The following WNK2 variants were observed in gnomAD, a reference collection of about 807,000 sequenced individuals.
WNK2 encodes the protein serine/threonine-protein kinase WNK2.
In WNK2, 67 loss-of-function variants were observed where a neutral mutation model predicts 192.1. The observed-to-expected ratio is 0.35, with a 90% confidence interval of 0.29 to 0.43. The LOEUF (loss-of-function observed/expected upper bound fraction) is 0.43, where lower values mean the gene tolerates loss of function less well. Ranked by LOEUF, WNK2 falls within the 20% of genes least tolerant of loss-of-function variation. The pLI is 1.00. For synonymous variants in WNK2, 1,439 were observed against 1,393.9 expected, an observed-to-expected ratio of 1.03 and a Z score of -0.72; for missense variants, 2,698 against 3,089.7, an observed-to-expected ratio of 0.87 and a Z score of 3.01.
chr9:93,317,612 C>T lies in WNK2; in HGVS notation c.6609C>T (p.Thr2203=), dbSNP rs1854944550. 1 of 1,612,978 alleles carries T rather than the reference C, an allele frequency of 6.2e-7. No homozygotes were observed. The highest frequency in any genetic ancestry group is 1.3e-5 in the African/African-American group (1 of 74,946). The change falls in exon 29 of 30, where the codon ACC becomes ACT. Residue 2203 remains threonine (T), a synonymous_variant. Coordinates refer to ENST00000427277, the MANE Select transcript of WNK2 (RefSeq NM_006648.4). ...STTVIPGAAP[T]LSVPTPDPES... The stretch of plus-strand genomic sequence containing the variant: ...CGGTCATTCCCGGAGCCGCCCCGAC[C>T]CTGTCCGTGCCCACACCAGGTACTG...
rs1838376985 is a variant in WNK2, at chr9:93,229,521, T to A, written c.682-175T>A. Among the ~76,000 whole-genome samples the A allele has an allele frequency of 6.6e-5, 10 of 152,206 alleles. No homozygotes were observed. The South Asian group carries it at 2.1e-3, about 32-fold the overall frequency. On this transcript the variant is annotated intron_variant, in intron 2 of 29. Transcript: ENST00000427277. The surrounding 1 kb of genome is among the most constrained non-coding windows in gnomAD (Gnocchi z 4.9). The stretch of plus-strand genomic sequence containing the variant: ...GGGCTGTGTCCAGGGTTGTGGGGAC[T>A]AAGGAGTCAGCAGTTGTGGTGCCAG...
chr9:93,268,312 C>T (rs1038003369), intron 18 of WNK2, among the ~76,000 whole-genome samples: 7 of 152,286 alleles, frequency 4.6e-5, no homozygotes, highest in African/African-American at 1.4e-4. Flanking sequence ...TCGGGAGCTT[C>T]GGGGGCTGCC....
intron 5 of WNK2, among the ~76,000 whole-genome samples, chr9:93,235,706 C>T (rs778941856): frequency 4.6e-5 from 7 of 152,226 alleles, no homozygotes; most frequent in African/African-American, 7.2e-5. Flanking sequence ...TGACATGCGG[C>T]GTCTGCACTG....
chr9:93,276,148 T>G (rs1296003766), intron 19 of WNK2, among the ~76,000 whole-genome samples: 3 of 152,240 alleles, frequency 2.0e-5, no homozygotes. Context: ...AAAATCATTT[T>G]GAAAATGGAG....
chr9:93,261,925 C>T lies in WNK2; in HGVS notation c.3178C>T (p.Pro1060Ser). ...GCCGCCTCTGCCGGAAGTGCTGCTG[C>T]CTGCCGCCCCTGAGCTCCTGCCTCA... The part of the protein sequence containing the change: ...LSPPLPEVLL[P>S]AAPELLPQFP... The change falls in exon 13 of 30, where the codon CCT becomes TCT. Residue 1060 changes from proline (P) to serine (S), a missense_variant. Pro to Ser is a moderately conservative substitution (Grantham distance 74, BLOSUM62 -1). Transcript: ENST00000427277. 1.2e-6 allele frequency: 2 copies of T among 1,609,084 alleles called. No individual in the cohort carries two copies. The highest frequency in any genetic ancestry group is 1.7e-6 in the Non-Finnish European group (2 of 1,179,744).
rs565856911 is a variant in WNK2 at position 93,204,738 on chromosome 9, T to C, written c.681+19128T>C. 6.6e-5 allele frequency among the ~76,000 whole-genome samples: 10 copies of C among 152,048 alleles called. No homozygotes were observed. The South Asian group carries it at 2.1e-3, about 32-fold the overall frequency. On this transcript the variant is annotated intron_variant, in intron 2 of 29. Coordinates refer to ENST00000427277, the MANE Select transcript of WNK2 (RefSeq NM_006648.4). ...CCCTGATGTGAATGTCATAGCAGATTGTCAGCACTGTTTGGGGCTCAGGGA... is the reference window on the plus strand; with the variant it reads ...CCCTGATGTGAATGTCATAGCAGATCGTCAGCACTGTTTGGGGCTCAGGGA...
chr9:93,240,445 G>C (rs574026553), intron 7 of WNK2, among the ~76,000 whole-genome samples: 1 of 152,168 alleles, frequency 6.6e-6, no homozygotes, highest in African/African-American at 2.4e-5. Context: ...AGGCGGGTTG[G>C]GGGTACCTTT....
intron 29 of WNK2, chr9:93,318,224 T>C: frequency 6.7e-7 from 1 of 1,481,628 alleles, no homozygotes; most frequent in South Asian, 1.4e-5. Context: ...CTTTATTTAC[T>C]GTTTTAAGTT....
At chr9:93,283,037 TA>T (rs1847954355) in intron 19 of WNK2, among the ~76,000 whole-genome samples, 1 of 152,222 alleles carries the variant, frequency 6.6e-6, no homozygotes, top group Non-Finnish European at 1.5e-5. Context: ...AGTGCATTTA[TA>T]AATATCTCAT....
chr9:93,215,927 C>T (rs909158505), intron 2 of WNK2, among the ~76,000 whole-genome samples: 1 of 152,110 alleles, frequency 6.6e-6, no homozygotes, highest in African/African-American at 2.4e-5. Flanking sequence ...ATATTTGAGG[C>T]TCTGGGTGAT....
rs116351074 is a variant in WNK2, at chr9:93,251,959, C to T, written c.1835-924C>T. ...CCATTCCTGGGAAAAGTTATTTTAA[C>T]GCCAAGCCAACAGGATTTCCCTTTT... On this transcript the variant is annotated intron_variant, in intron 8 of 29. Coordinates refer to ENST00000427277, the MANE Select transcript of WNK2 (RefSeq NM_006648.4). 3.5e-3 allele frequency among the ~76,000 whole-genome samples: 534 copies of T among 152,314 alleles called. 3 individuals are homozygous for T. Among genetic ancestry groups the T allele is most frequent in the African/African-American group, 0.012 (511 of 41,560 alleles).
intron 19 of WNK2, among the ~76,000 whole-genome samples, chr9:93,269,579 G>A (rs780395297): frequency 2.6e-5 from 4 of 152,210 alleles, no homozygotes; most frequent in Non-Finnish European, 5.9e-5. Flanking sequence ...AGAAATCAGA[G>A]AGAAGCAGCC....
At position 93,257,051 on chromosome 9, in the gene WNK2, C is replaced by T; in HGVS notation, c.2294C>T (p.Pro765Leu). The T allele has an allele frequency of 1.9e-6, 3 of 1,605,486 alleles. No homozygotes were observed. Among genetic ancestry groups the T allele is most frequent in the Non-Finnish European group, 2.5e-6 (3 of 1,178,140 alleles). Residue 765 changes from proline to leucine, a missense_variant, in exon 11 of 30, where the codon CCA becomes CTA. By Grantham distance (98) the Pro-to-Leu change is moderately conservative. Transcript: ENST00000427277. This position sits in a 1 kb window ranked among gnomAD's most constrained non-coding sequence, Gnocchi z 4.7. ...CCCCACCTGCCACCGTACCTGGCTC[C>T]AGCCTCCCAGGTGGGGGCCCCCGCT... ...VPPHLPPYLA[P>L]ASQVGAPAQL...
intron 19 of WNK2, among the ~76,000 whole-genome samples, chr9:93,286,629 C>T (rs1386237823): frequency 6.6e-6 from 1 of 152,174 alleles, no homozygotes; most frequent in Non-Finnish European, 1.5e-5. Flanking sequence ...TAAAATAGAA[C>T]TACCGTATGA....
intron 29 of WNK2, chr9:93,319,451 G>C: frequency 1.0e-6 from 1 of 976,956 alleles, no homozygotes; most frequent in Non-Finnish European, 1.2e-6. Context: ...CCTGGGCCCC[G>C]AGCACGGTCA....
At chr9:93,245,300 A>G (rs981596966) in intron 7 of WNK2, among the ~76,000 whole-genome samples, 4 of 152,178 alleles carry the variant, frequency 2.6e-5, no homozygotes, top group Non-Finnish European at 4.4e-5. Context: ...AATACCGTCA[A>G]TCCTCAGGCC....
intron 19 of WNK2, among the ~76,000 whole-genome samples, chr9:93,285,882 C>T (rs924789751): frequency 6.6e-6 from 1 of 152,156 alleles, no homozygotes; most frequent in Non-Finnish European, 1.5e-5. Flanking sequence ...AGGCCCACAT[C>T]TTTGGACACG....
At chr9:93,216,955 T>G (rs1835848501) in intron 2 of WNK2, among the ~76,000 whole-genome samples, 1 of 150,946 alleles carries the variant, frequency 6.6e-6, no homozygotes. Context: ...ATCAATAAGA[T>G]TCAAAAAAAT....
chr9:93,276,879 T>C (rs1846993610), intron 19 of WNK2, among the ~76,000 whole-genome samples: 1 of 152,028 alleles, frequency 6.6e-6, no homozygotes, highest in Non-Finnish European at 1.5e-5. Flanking sequence ...CTACTAAAAA[T>C]ACAAAAATTA....
Sources: gnomAD v4.1 joint callset for allele counts (sites outside exome capture counted in the v4.1 genomes callset) on GRCh38, gnomAD v4.1.1 for gene constraint, Gnocchi (gnomAD v3.1) non-coding constraint, MANE v1.5 for transcripts, NCBI Gene and HGNC (gene_info 2026-07-23, HGNC 2026-07-21) for gene names.